DCC: variants seen among roughly 807,000 people sequenced by gnomAD.
DCC encodes DCC netrin 1 receptor, also known as netrin receptor DCC.
A neutral mutation model predicts 172.5 loss-of-function variants in DCC; 58 were observed. The ratio of observed to expected loss-of-function variants is 0.34; its 90% CI spans 0.27 to 0.42. The LOEUF is 0.42. Ranked by LOEUF, DCC falls within the 10% of genes least tolerant of loss-of-function variation. The probability of loss-of-function intolerance (pLI) is 1.00; values close to 1 mark genes in which losing one functional copy is unlikely to be tolerated. For synonymous variants in DCC, 709 were observed against 644.5 expected, an observed-to-expected ratio of 1.10 and a Z score of -1.52; for missense variants, 1,740 against 1,791.0, an observed-to-expected ratio of 0.97 and a Z score of 0.51.
intron 12 of DCC, among the ~76,000 whole-genome samples, chr18:53,293,390 A>T (rs2057027553): frequency 6.6e-6 from 1 of 152,204 alleles, no homozygotes; most frequent in Non-Finnish European, 1.5e-5. Context: ...AAGACCTCCA[A>T]CATGTTTCTG....
At chr18:52,827,326 C>T (rs542898355) in intron 2 of DCC, among the ~76,000 whole-genome samples, 307 of 152,312 alleles carry the variant, frequency 2.0e-3, no homozygotes, top group Non-Finnish European at 3.5e-3. Flanking sequence ...TCCTGAGCTT[C>T]ACCTTTGAGG....
chr18:53,277,409 A>G (rs2056818680), intron 12 of DCC, among the ~76,000 whole-genome samples: 1 of 152,146 alleles, frequency 6.6e-6, no homozygotes, highest in Non-Finnish European at 1.5e-5. Flanking sequence ...TTGCTTGCCA[A>G]ATGCAAGCAC....
chr18:53,272,816 G>C (rs1000727595), intron 12 of DCC, among the ~76,000 whole-genome samples: 2 of 152,094 alleles, frequency 1.3e-5, no homozygotes, highest in African/African-American at 4.8e-5. Context: ...TCAAAAAATT[G>C]TGTTATCCTT....
chr18:53,005,850 C>A (rs1190645831), intron 5 of DCC, among the ~76,000 whole-genome samples: 2 of 152,060 alleles, frequency 1.3e-5, no homozygotes, highest in Admixed American at 6.6e-5. Context: ...TATACTATAC[C>A]TTTGCTTCGC....
chr18:53,033,730 T>G (rs114798158), intron 5 of DCC, among the ~76,000 whole-genome samples: 1,699 of 152,202 alleles, frequency 0.011, 34 homozygotes, highest in African/African-American at 0.038. Flanking sequence ...AGAATGCACT[T>G]TTTGAACTCC....
At chr18:53,141,268 G>T (rs770428884) in intron 7 of DCC, among the ~76,000 whole-genome samples, 1 of 152,152 alleles carries the variant, frequency 6.6e-6, no homozygotes, top group African/African-American at 2.4e-5. Context: ...TATAGGGAAT[G>T]GGAAAGTAAG....
chr18:52,824,558 C>G (rs1014823103), intron 2 of DCC, among the ~76,000 whole-genome samples: 2 of 151,994 alleles, frequency 1.3e-5, no homozygotes, highest in African/African-American at 2.4e-5. Context: ...TAGAGAATTT[C>G]TCTAATGCTT....
chr18:52,775,466 T>G (rs953298572), intron 2 of DCC, among the ~76,000 whole-genome samples: 1 of 152,184 alleles, frequency 6.6e-6, no homozygotes, highest in South Asian at 2.1e-4. Context: ...AATAATCAGA[T>G]CACACGTGAG....
intron 13 of DCC, among the ~76,000 whole-genome samples, chr18:53,312,377 A>G (rs989854322): frequency 2.7e-5 from 4 of 147,934 alleles, no homozygotes; most frequent in South Asian, 2.2e-4. Flanking sequence ...AAAGAAAAAG[A>G]TAAAGATTAC....
chr18:52,719,062 C>T (rs1001046093), intron 1 of DCC, among the ~76,000 whole-genome samples: 3 of 152,062 alleles, frequency 2.0e-5, no homozygotes, highest in African/African-American at 7.2e-5. Flanking sequence ...ACCCTTAGGA[C>T]TCCTTGGCTT....
intron 1 of DCC, among the ~76,000 whole-genome samples, chr18:52,532,464 A>G (rs943893457): frequency 2.0e-5 from 3 of 152,176 alleles, no homozygotes; most frequent in Admixed American, 6.5e-5. Flanking sequence ...ACAAAATAAT[A>G]TTAACACTAA....
intron 12 of DCC, among the ~76,000 whole-genome samples, chr18:53,231,429 G>C (rs941678814): frequency 2.6e-5 from 4 of 152,084 alleles, no homozygotes; most frequent in African/African-American, 9.7e-5. Context: ...ATCAACATCT[G>C]TATGTGTAAA....
chr18:52,965,006 T>C (rs1329253081), intron 5 of DCC: 1 of 152,212 alleles, frequency 6.6e-6, no homozygotes, highest in Non-Finnish European at 1.5e-5. Context: ...TCTCTGATCT[T>C]ACCCTTTTGC....
At chr18:53,200,786 G>C (rs1230003389) in intron 9 of DCC, among the ~76,000 whole-genome samples, 1 of 151,982 alleles carries the variant, frequency 6.6e-6, no homozygotes, top group Non-Finnish European at 1.5e-5. Context: ...ATGACCTCCC[G>C]CTCCAGACCA....
intron 12 of DCC, among the ~76,000 whole-genome samples, chr18:53,270,686 T>C (rs2056738795): frequency 6.6e-6 from 1 of 152,176 alleles, no homozygotes; most frequent in African/African-American, 2.4e-5. Flanking sequence ...CGATACCATA[T>C]GGCACATTGG....
At chr18:53,309,948 G>A (rs1376469656) in intron 13 of DCC, among the ~76,000 whole-genome samples, 33 of 113,980 alleles carry the variant, frequency 2.9e-4, no homozygotes, top group Admixed American at 1.2e-3. Flanking sequence ...ATATATACAT[G>A]TATATATACG....
Position 53,482,942 on chromosome 18 carries a change from A to G in DCC, c.3737-3855A>G, listed in dbSNP as rs182790243. 4.3e-4 allele frequency among the ~76,000 whole-genome samples: 66 copies of G among 152,028 alleles called. 1 individual carries two copies. The highest frequency in any genetic ancestry group is 1.6e-3 in the African/African-American group (66 of 41,524). On this transcript the variant is annotated intron_variant, in intron 25 of 28. Coordinates refer to ENST00000442544, the MANE Select transcript of DCC (RefSeq NM_005215.4). ...TATTATCATTATTATTATATTAACTATATACCCCAGGAGAGTAAATCATAT... is the reference window on the plus strand; with the variant it reads ...TATTATCATTATTATTATATTAACTGTATACCCCAGGAGAGTAAATCATAT...
chr18:52,568,967 T>G (rs2033230049), intron 1 of DCC, among the ~76,000 whole-genome samples: 1 of 152,214 alleles, frequency 6.6e-6, no homozygotes, highest in Non-Finnish European at 1.5e-5. Flanking sequence ...TGTATATATA[T>G]CTCCCATTGA....
chr18:52,346,860 C>T (rs1187992182), intron 1 of DCC, among the ~76,000 whole-genome samples: 1 of 152,184 alleles, frequency 6.6e-6, no homozygotes, highest in Non-Finnish European at 1.5e-5. Context: ...TCGTGATATA[C>T]TTTAGCTTAA....
Sources: allele counts gnomAD v4.1 joint callset (sites outside exome capture counted in the v4.1 genomes callset), GRCh38; gene constraint gnomAD v4.1.1; transcripts MANE v1.5; gene names NCBI Gene and HGNC (gene_info 2026-07-23, HGNC 2026-07-21).